NKAIN2: variants seen among roughly 807,000 people sequenced by gnomAD.
The protein encoded by NKAIN2 is sodium/potassium-transporting ATPase subunit beta-1-interacting protein 2.
A neutral mutation model predicts 32.6 loss-of-function variants in NKAIN2; 14 were observed. The observed-to-expected ratio is 0.43, with a 90% CI of 0.28 to 0.67. The LOEUF (loss-of-function observed/expected upper bound fraction) is 0.67, where lower values mean the gene tolerates loss of function less well. Ranked by LOEUF, NKAIN2 falls within the 30% of genes least tolerant of loss-of-function variation. The probability of loss-of-function intolerance (pLI) is 0.17; values close to 1 mark genes in which losing one functional copy is unlikely to be tolerated. For missense variants in NKAIN2, 198 were observed against 258.3 expected (o/e 0.77, Z 1.60); for synonymous variants, 80 against 87.2 (o/e 0.92, Z 0.46).
At chr6:124,344,234 G>A (rs1217613211) in intron 2 of NKAIN2, among the ~76,000 whole-genome samples, 1 of 152,018 alleles carries the variant, frequency 6.6e-6, no homozygotes, top group Non-Finnish European at 1.5e-5. Flanking sequence ...GGTTACTGTA[G>A]CCTTGTAGTA....
chr6:124,018,588 A>G (rs561587611), intron 1 of NKAIN2, among the ~76,000 whole-genome samples: 1 of 152,274 alleles, frequency 6.6e-6, no homozygotes, highest in African/African-American at 2.4e-5. Context: ...GGTGGGGAGA[A>G]GAAATTCCCC....
At chr6:124,776,087 A>C (rs1001320768) in intron 4 of NKAIN2, among the ~76,000 whole-genome samples, 24 of 152,118 alleles carry the variant, frequency 1.6e-4, no homozygotes, top group Admixed American at 6.5e-5. Context: ...TCCTAAATCC[A>C]ATTGCAGTTT....
In NKAIN2 at chr6:124,559,311, C is replaced by G. The variant is rs148075888; in HGVS notation, c.274-98875C>G. ...ATAATAAGTGAGAGGAATGGAGACTCAGGGGTTTTGAGAGTGTGTAGCAGG... is the reference window on the plus strand; with the variant it reads ...ATAATAAGTGAGAGGAATGGAGACTGAGGGGTTTTGAGAGTGTGTAGCAGG... On this transcript the variant is annotated intron_variant, in intron 3 of 6. Transcript: ENST00000368417. 9.9e-5 allele frequency among the ~76,000 whole-genome samples: 15 copies of G among 152,136 alleles called. No homozygotes were observed. In the East Asian group the frequency reaches 2.7e-3, roughly 28 times the overall value.
rs544114462 is a variant in NKAIN2 at position 124,808,481 on chromosome 6, T to A, written c.536-9906T>A. ...ATAAGTTAGGTATTGATGGGACGTA[T>A]CTCAAAATAATAGGAGCTATCTATG... On this transcript the variant is annotated intron_variant, in intron 5 of 6. Coordinates refer to ENST00000368417, the MANE Select transcript of NKAIN2 (RefSeq NM_001040214.3). Among the ~76,000 whole-genome samples the A allele has an allele frequency of 3.4e-3, 523 of 152,258 alleles. 18 individuals are homozygous for A. The highest frequency in any genetic ancestry group is 0.031 in the Admixed American group (476 of 15,294).
chr6:123,843,163 AGT>A (rs1459159717), intron 1 of NKAIN2, among the ~76,000 whole-genome samples: 1 of 152,188 alleles, frequency 6.6e-6, no homozygotes, highest in Non-Finnish European at 1.5e-5. Flanking sequence ...TTAAACACTC[AGT>A]GAAGACTCAG....
chr6:124,122,917 A>G (rs1220724742), intron 1 of NKAIN2, among the ~76,000 whole-genome samples: 2 of 152,172 alleles, frequency 1.3e-5, no homozygotes, highest in Non-Finnish European at 2.9e-5. Flanking sequence ...ATTGCATAGA[A>G]TTTTTAGAAA....
chr6:123,970,753 G>A (rs888295999), intron 1 of NKAIN2, among the ~76,000 whole-genome samples: 8 of 151,796 alleles, frequency 5.3e-5, no homozygotes, highest in Non-Finnish European at 2.9e-5. Context: ...ATGGTGGTGC[G>A]TGCCTGTAAT....
intron 3 of NKAIN2, among the ~76,000 whole-genome samples, chr6:124,441,062 C>T (rs1350425734): frequency 6.6e-6 from 1 of 152,078 alleles, no homozygotes; most frequent in Admixed American, 6.6e-5. Flanking sequence ...GTGTCTTAAA[C>T]AGGCAATTTC....
intron 3 of NKAIN2, among the ~76,000 whole-genome samples, chr6:124,454,376 A>G (rs549697288): frequency 5.3e-5 from 8 of 152,082 alleles, no homozygotes; most frequent in Non-Finnish European, 1.2e-4. Context: ...ATTGGCATAT[A>G]CAGTGTTTTA....
chr6:124,822,128 ATTACG>A (rs1367006953), intron 6 of NKAIN2, among the ~76,000 whole-genome samples: 5 of 152,162 alleles, frequency 3.3e-5, no homozygotes, highest in Admixed American at 2.6e-4. Context: ...TTTATTTTAC[ATTACG>A]CACTGTTAAA....
At chr6:124,424,098 G>A (rs185858971) in intron 3 of NKAIN2, among the ~76,000 whole-genome samples, 12 of 151,972 alleles carry the variant, frequency 7.9e-5, no homozygotes, top group East Asian at 7.8e-4. Flanking sequence ...GGTTCACGCC[G>A]TTCTCCTGTC....
intron 2 of NKAIN2, among the ~76,000 whole-genome samples, chr6:124,310,091 G>A (rs1479789131): frequency 6.6e-6 from 1 of 152,054 alleles, no homozygotes; most frequent in Non-Finnish European, 1.5e-5. Context: ...GTCCCGAAAT[G>A]TTTATCATAA....
rs332603 is a variant in NKAIN2 at position 124,404,639 on chromosome 6, C to T, written c.273+49292C>T. Among the ~76,000 whole-genome samples, 127 of 151,592 alleles carry T rather than the reference C, an allele frequency of 8.4e-4. 3 individuals carry two copies. In the East Asian group the frequency reaches 0.014, roughly 17 times the overall value. ...CTTAATGATTTTTTTTTAATGTAAA[C>T]GACTAAAGAGTAATGGAATTAAAAA... is the stretch of plus-strand genomic sequence containing the variant. On this transcript the variant is annotated intron_variant, in intron 3 of 6. Transcript: ENST00000368417.
intron 1 of NKAIN2, among the ~76,000 whole-genome samples, chr6:124,155,298 TAGA>T (rs1233827302): frequency 9.9e-5 from 15 of 152,210 alleles, no homozygotes; most frequent in African/African-American, 3.4e-4. Context: ...TTCAAACAGC[TAGA>T]AGGAGGATAC....
At chr6:124,361,378 A>G (rs1799280432) in intron 3 of NKAIN2, among the ~76,000 whole-genome samples, 1 of 152,048 alleles carries the variant, frequency 6.6e-6, no homozygotes, top group African/African-American at 2.4e-5. Flanking sequence ...TTCATAATGT[A>G]TGGGGCACCA....
chr6:123,850,633 A>G (rs1775301404), intron 1 of NKAIN2, among the ~76,000 whole-genome samples: 1 of 152,194 alleles, frequency 6.6e-6, no homozygotes, highest in South Asian at 2.1e-4. Flanking sequence ...TGACAAATAA[A>G]CATTGCATTT....
chr6:124,004,157 G>A (rs1779983190), intron 1 of NKAIN2, among the ~76,000 whole-genome samples: 1 of 152,060 alleles, frequency 6.6e-6, no homozygotes, highest in African/African-American at 2.4e-5. Flanking sequence ...TAATATCTTG[G>A]GAAAAAGTAT....
At chr6:124,628,261 C>A (rs542333144) in intron 3 of NKAIN2, among the ~76,000 whole-genome samples, 8 of 130,820 alleles carry the variant, frequency 6.1e-5, no homozygotes, top group South Asian at 2.7e-4. Context: ...CATGACCTTA[C>A]CTTTAAGTAT....
chr6:124,274,289 A>T (rs559665118), intron 1 of NKAIN2, among the ~76,000 whole-genome samples: 25 of 152,326 alleles, frequency 1.6e-4, no homozygotes, highest in African/African-American at 5.8e-4. Flanking sequence ...AGTAATAGTA[A>T]TAATCATGGT....
Sources: allele counts gnomAD v4.1 joint callset (sites outside exome capture counted in the v4.1 genomes callset), GRCh38; gene constraint gnomAD v4.1.1; transcripts MANE v1.5; gene names NCBI Gene and HGNC (gene_info 2026-07-23, HGNC 2026-07-21).